Variants in ASAP1 observed in about 807,000 individuals in gnomAD.
ASAP1 encodes ArfGAP with SH3 domain, ankyrin repeat and PH domain 1.
Under a neutral mutation model 145.2 loss-of-function variants are expected in ASAP1, and 43 were observed. The observed-to-expected ratio is 0.30, with a 90% CI of 0.23 to 0.38. The LOEUF (loss-of-function observed/expected upper bound fraction) is 0.38, where lower values mean the gene tolerates loss of function less well. Among genes scored for constraint, ASAP1 ranks in the 10% least tolerant of loss-of-function variants. The pLI is 1.00. For missense variants in ASAP1, 1,018 were observed against 1,355.3 expected (o/e 0.75, Z 3.91); for synonymous variants, 546 against 515.5 (o/e 1.06, Z -0.80).
intron 3 of ASAP1, among the ~76,000 whole-genome samples, chr8:130,283,290 C>A (rs1586749999): frequency 6.6e-6 from 1 of 151,486 alleles, no homozygotes; most frequent in Non-Finnish European, 1.5e-5. Flanking sequence ...CAAACAAAAA[C>A]CAAAAAAACA....
intron 25 of ASAP1, among the ~76,000 whole-genome samples, chr8:130,080,393 G>C (rs115844175): frequency 6.6e-6 from 1 of 151,880 alleles, no homozygotes; most frequent in Non-Finnish European, 1.5e-5. Context: ...ATGTGCATGT[G>C]AACACCATTA....
chr8:130,351,680 C>A (rs1269420497), intron 3 of ASAP1, among the ~76,000 whole-genome samples: 1 of 152,126 alleles, frequency 6.6e-6, no homozygotes, highest in Non-Finnish European at 1.5e-5. Flanking sequence ...TTTTAAAACA[C>A]TGGATCTCAA....
Position 130,384,215 on chromosome 8 carries a change from C to T in ASAP1, c.59+17670G>A, listed in dbSNP as rs374346520. On this transcript the variant is annotated intron_variant, in intron 2 of 29. Transcript: ENST00000518721. ...AGATGGAATGACCTCAAGTTACCAG[C>T]AGGGAAGGGCCTCGCTGATTAAAAT... 2.0e-5 allele frequency among the ~76,000 whole-genome samples: 3 copies of T among 152,316 alleles called. No homozygotes were observed. The South Asian group carries it at 6.2e-4, about 32-fold the overall frequency.
chr8:130,075,704 A>G (rs2097460780), intron 27 of ASAP1, among the ~76,000 whole-genome samples: 1 of 152,216 alleles, frequency 6.6e-6, no homozygotes, highest in Non-Finnish European at 1.5e-5. Flanking sequence ...GAAGACTGAA[A>G]TTTTGGTTTC....
chr8:130,187,161 G>A (rs1814788666), intron 7 of ASAP1, 75 bp downstream of exon 7: 3 of 1,089,500 alleles, frequency 2.8e-6, no homozygotes, highest in Non-Finnish European at 3.9e-6. Context: ...TTCCAGTTAA[G>A]TTTTTTTTTT....
intron 1 of ASAP1, among the ~76,000 whole-genome samples, chr8:130,421,993 G>C (rs138247343): frequency 6.2e-4 from 95 of 152,290 alleles, no homozygotes; most frequent in Admixed American, 1.4e-3. Flanking sequence ...GGAGACAGAG[G>C]TATGAACAAA....
At chr8:130,070,185 C>G (rs569224653) in intron 27 of ASAP1, among the ~76,000 whole-genome samples, 1 of 152,146 alleles carries the variant, frequency 6.6e-6, no homozygotes, top group African/African-American at 2.4e-5. Flanking sequence ...TACAGGCGCC[C>G]GTCACCATGC....
intron 13 of ASAP1, among the ~76,000 whole-genome samples, chr8:130,140,037 G>GT (rs113185605): frequency 0.044 from 6,095 of 138,580 alleles, 148 homozygotes; most frequent in Non-Finnish European, 0.056. Flanking sequence ...TCTCCTTTTT[G>GT]TTTTTTTTTT....
intron 1 of ASAP1, among the ~76,000 whole-genome samples, chr8:130,425,649 A>G (rs1420456114): frequency 1.3e-5 from 2 of 152,232 alleles, no homozygotes; most frequent in African/African-American, 4.8e-5. Flanking sequence ...TCCTGGGAGC[A>G]CTGAAGATGG....
intron 7 of ASAP1, among the ~76,000 whole-genome samples, chr8:130,183,999 T>A (rs1363821051): frequency 6.6e-6 from 1 of 152,202 alleles, no homozygotes. Flanking sequence ...TAATGTACTT[T>A]ATAAACAGAA....
chr8:130,437,589 C>T (rs916090717), intron 1 of ASAP1, among the ~76,000 whole-genome samples: 3 of 151,978 alleles, frequency 2.0e-5, no homozygotes, highest in African/African-American at 7.3e-5. Flanking sequence ...TTTTACATTT[C>T]TACTCAAAAG....
chr8:130,077,682 A>C (rs1165847561), intron 26 of ASAP1, among the ~76,000 whole-genome samples: 1 of 151,932 alleles, frequency 6.6e-6, no homozygotes. Flanking sequence ...CATTTAAAAG[A>C]AAAGAAAAAG....
intron 3 of ASAP1, among the ~76,000 whole-genome samples, chr8:130,298,647 C>G (rs778096043): frequency 6.6e-6 from 1 of 152,218 alleles, no homozygotes; most frequent in Non-Finnish European, 1.5e-5. Flanking sequence ...TTTCCAGGCT[C>G]ATTACCGTTC....
intron 3 of ASAP1, among the ~76,000 whole-genome samples, chr8:130,299,605 T>C (rs752707420): frequency 1.3e-5 from 2 of 152,166 alleles, no homozygotes; most frequent in Non-Finnish European, 2.9e-5. Flanking sequence ...TCATTCTCCA[T>C]AAATTGTGAC....
intron 5 of ASAP1, among the ~76,000 whole-genome samples, chr8:130,214,231 TA>T (rs533291104): frequency 6.6e-5 from 10 of 151,660 alleles, no homozygotes; most frequent in Non-Finnish European, 8.8e-5. Context: ...AGGTTATCTT[TA>T]AAAAAAAATC....
At chr8:130,157,617 T>G (rs546124990) in intron 12 of ASAP1, among the ~76,000 whole-genome samples, 9 of 152,036 alleles carry the variant, frequency 5.9e-5, no homozygotes, top group Non-Finnish European at 1.2e-4. Context: ...CCTCACGGAG[T>G]GGTTCCCTGT....
chr8:130,243,716 G>T (rs1334713244), intron 3 of ASAP1, among the ~76,000 whole-genome samples: 3 of 152,040 alleles, frequency 2.0e-5, no homozygotes, highest in Admixed American at 6.5e-5. Flanking sequence ...AATCTAAACG[G>T]GCCTAGCTTG....
chr8:130,192,333 G>C (rs1322176857), intron 5 of ASAP1, among the ~76,000 whole-genome samples: 1 of 147,730 alleles, frequency 6.8e-6, no homozygotes, highest in African/African-American at 2.5e-5. Context: ...TCACGGGGGG[G>C]AGCGATGGGG....
chr8:130,188,042 C>A (rs1164708106), intron 6 of ASAP1, 67 bp downstream of exon 6: 4 of 1,178,126 alleles, frequency 3.4e-6, no homozygotes, highest in African/African-American at 1.5e-5. Flanking sequence ...CTACTATGAT[C>A]TTGAAAGAGG....
Sources: gnomAD v4.1 joint callset for allele counts (sites outside exome capture counted in the v4.1 genomes callset) on GRCh38, gnomAD v4.1.1 for gene constraint, MANE v1.5 for transcripts, NCBI Gene and HGNC (gene_info 2026-07-23, HGNC 2026-07-21) for gene names.